The following MBNL1 variants were observed in gnomAD, a reference collection of about 807,000 sequenced individuals.
The protein encoded by MBNL1 is muscleblind-like protein 1.
Under a neutral mutation model 42.2 loss-of-function variants are expected in MBNL1, and 8 were observed. The observed-to-expected ratio is 0.19, with a 90% confidence interval of 0.11 to 0.34. MBNL1 has a LOEUF of 0.34. Ranked by LOEUF, MBNL1 falls within the 10% of genes least tolerant of loss-of-function variation. MBNL1 has a pLI of 1.00. For missense variants in MBNL1, 309 were observed against 495.3 expected (o/e 0.62, Z 3.57); for synonymous variants, 169 against 173.9 (o/e 0.97, Z 0.22).
chr3:152,274,614 A>T (rs1052739724), intron 1 of MBNL1, among the ~76,000 whole-genome samples: 5 of 152,188 alleles, frequency 3.3e-5, no homozygotes, highest in African/African-American at 1.2e-4. Flanking sequence ...GCAAAATATT[A>T]TTCTGTTAAC....
Position 152,456,412 on chromosome 3 carries a change from A to G in MBNL1, c.1092+51A>G, listed in dbSNP as rs747680299. ...TTAAAAAACAACTCTAATAGGGCTCAATCCAACAGCCCTTACGCACGTGGA... is the reference window on the plus strand; with the variant it reads ...TTAAAAAACAACTCTAATAGGGCTCGATCCAACAGCCCTTACGCACGTGGA... On this transcript the variant is annotated intron_variant, in intron 8 of 9. Coordinates refer to ENST00000324210, the MANE Select transcript of MBNL1 (RefSeq NM_021038.5). The G allele has an allele frequency of 3.5e-6, 5 of 1,423,344 alleles. No individual in the cohort carries two copies. In the Middle Eastern group the frequency reaches 5.2e-4, roughly 149 times the overall value. The allele number at this position is 1,423,344 out of a possible 1,614,324, so 88.2% of individuals were successfully genotyped here.
chr3:152,353,263 C>T (rs1181718608), intron 2 of MBNL1, among the ~76,000 whole-genome samples: 2 of 152,182 alleles, frequency 1.3e-5, no homozygotes, highest in Non-Finnish European at 2.9e-5. Context: ...TGATGTGTGG[C>T]TTCCAAAGTG....
chr3:152,272,336 G>A (rs2149860163), intron 1 of MBNL1, among the ~76,000 whole-genome samples: 1 of 152,088 alleles, frequency 6.6e-6, no homozygotes, highest in Admixed American at 6.5e-5. Flanking sequence ...TTGATGGTGA[G>A]GTAGTAATAA....
intron 2 of MBNL1, among the ~76,000 whole-genome samples, chr3:152,260,273 G>C (rs1342238743): frequency 6.6e-6 from 1 of 152,178 alleles, no homozygotes; most frequent in East Asian, 1.9e-4. Context: ...ATCAGGCCCT[G>C]TCAGCAGTTA....
chr3:152,425,737 G>T (rs1036423871), intron 3 of MBNL1, among the ~76,000 whole-genome samples: 1 of 152,162 alleles, frequency 6.6e-6, no homozygotes. Context: ...AAATAGGAAT[G>T]CTTTTACACT....
intron 2 of MBNL1, among the ~76,000 whole-genome samples, chr3:152,410,303 C>A (rs1475239329): frequency 1.3e-5 from 2 of 152,100 alleles, no homozygotes; most frequent in Admixed American, 6.5e-5. Flanking sequence ...CTTAAATTCA[C>A]AATCGAACAA....
chr3:152,248,445 A>C (rs937117710), intron 2 of MBNL1, among the ~76,000 whole-genome samples: 73 of 152,080 alleles, frequency 4.8e-4, no homozygotes, highest in African/African-American at 1.7e-3. Context: ...GATTTGCTTA[A>C]ATATTTTATC....
chr3:152,407,094 C>A (rs2098449292), intron 2 of MBNL1, among the ~76,000 whole-genome samples: 1 of 134,292 alleles, frequency 7.4e-6, no homozygotes, highest in African/African-American at 2.7e-5. Context: ...TTTCACAGGA[C>A]CAGGAAAGGG....
chr3:152,426,197 G>A (rs1011336470), intron 3 of MBNL1, among the ~76,000 whole-genome samples: 6 of 151,862 alleles, frequency 4.0e-5, no homozygotes, highest in Non-Finnish European at 8.8e-5. Flanking sequence ...GGGCCTCCTG[G>A]GGGTTGTGGG....
chr3:152,430,288 A>T (rs1464933579), intron 3 of MBNL1, among the ~76,000 whole-genome samples: 2 of 152,156 alleles, frequency 1.3e-5, no homozygotes, highest in Non-Finnish European at 2.9e-5. Flanking sequence ...TTTAAATTTG[A>T]CCTTTGCTTT....
intron 2 of MBNL1, among the ~76,000 whole-genome samples, chr3:152,253,720 C>G (rs2149432367): frequency 6.6e-6 from 1 of 152,200 alleles, no homozygotes; most frequent in South Asian, 2.1e-4. Flanking sequence ...TCCACATGCC[C>G]TTCTCTTTTC....
At chr3:152,428,853 G>C (rs1163186463) in intron 3 of MBNL1, among the ~76,000 whole-genome samples, 1 of 152,104 alleles carries the variant, frequency 6.6e-6, no homozygotes, top group East Asian at 1.9e-4. Context: ...TCACATCCTA[G>C]GCCTTTGATT....
intron 2 of MBNL1, among the ~76,000 whole-genome samples, chr3:152,365,743 A>G (rs1196006207): frequency 6.6e-6 from 1 of 152,170 alleles, no homozygotes. Flanking sequence ...AATTCTATTA[A>G]ACATCTGTTA....
chr3:152,382,547 C>T (rs2097221504), intron 2 of MBNL1, among the ~76,000 whole-genome samples: 1 of 152,108 alleles, frequency 6.6e-6, no homozygotes, highest in African/African-American at 2.4e-5. Flanking sequence ...CAATGTGCTT[C>T]CCTAGAGGCT....
At chr3:152,396,417 T>TA (rs901914968) in intron 2 of MBNL1, among the ~76,000 whole-genome samples, 10 of 152,242 alleles carry the variant, frequency 6.6e-5, no homozygotes, top group African/African-American at 2.4e-4. Context: ...ATAGAAGACA[T>TA]AATGCTCAGA....
At position 152,286,385 on chromosome 3, in the gene MBNL1, A is replaced by ATTTTATTTATAATATAAATAT. The variant is rs2051882318; in HGVS notation, c.-789-13018_-789-13017insTTATTTATAATATAAATATTT. On this transcript the variant is annotated intron_variant, in intron 1 of 9. Coordinates refer to ENST00000324210, the MANE Select transcript of MBNL1 (RefSeq NM_021038.5). Reference sequence around the variant, plus strand: ...ATTTTATTTATAATATAAATATTTAATTATATTTTATTTATAATATAAATA... The same window carrying ATTTTATTTATAATATAAATAT: ...ATTTTATTTATAATATAAATATTTAATTTTATTTATAATATAAATATTTATATTTTATTTATAATATAAATA... Among the ~76,000 whole-genome samples the ATTTTATTTATAATATAAATAT allele has an allele frequency of 8.1e-5, 8 of 98,950 alleles. No individual in the cohort carries two copies. The South Asian group carries it at 1.6e-3, about 20-fold the overall frequency. 64.9% of individuals were successfully genotyped at this position (98,950 alleles called of 152,430 possible). A position where few individuals can be genotyped will look rare whatever the true frequency, so the allele number is the denominator to read the frequency against.
intron 1 of MBNL1, among the ~76,000 whole-genome samples, chr3:152,290,488 C>G (rs971118818): frequency 6.6e-6 from 1 of 152,018 alleles, no homozygotes; most frequent in Non-Finnish European, 1.5e-5. Context: ...CAAAATGCAG[C>G]AGATTTCACC....
At chr3:152,449,668 T>C (rs1717992337) in intron 6 of MBNL1, among the ~76,000 whole-genome samples, 1 of 152,208 alleles carries the variant, frequency 6.6e-6, no homozygotes, top group Admixed American at 6.5e-5. Flanking sequence ...TAAATCAGAA[T>C]CAAACTTGTC....
At chr3:152,359,129 G>A (rs757922661) in intron 2 of MBNL1, among the ~76,000 whole-genome samples, 1 of 152,212 alleles carries the variant, frequency 6.6e-6, no homozygotes, top group East Asian at 1.9e-4. Flanking sequence ...TATTATTTGA[G>A]TTTAACTACA....
Sources: allele counts gnomAD v4.1 joint callset (sites outside exome capture counted in the v4.1 genomes callset), GRCh38; gene constraint gnomAD v4.1.1; transcripts MANE v1.5; gene names NCBI Gene and HGNC (gene_info 2026-07-23, HGNC 2026-07-21).